Variants in M1AP observed in about 807,000 individuals in gnomAD.
M1AP encodes meiosis 1 arrest protein.
Under a neutral mutation model 51.2 loss-of-function variants are expected in M1AP, and 39 were observed. The observed-to-expected ratio is 0.76, with a 90% CI of 0.59 to 1.00. M1AP has a LOEUF of 1.00. Among genes scored for constraint, M1AP ranks in the 50% least tolerant of loss-of-function variants. The pLI, the probability that M1AP is intolerant of heterozygous loss-of-function variation, is 0.00. For synonymous variants in M1AP, 251 were observed against 249.2 expected (o/e 1.01, Z -0.07); for missense variants, 545 against 641.2 (o/e 0.85, Z 1.62).
chr2:74,635,789 C>T (rs1476033508), intron 2 of M1AP, among the ~76,000 whole-genome samples: 3 of 152,008 alleles, frequency 2.0e-5, no homozygotes, highest in African/African-American at 7.2e-5. Flanking sequence ...GGGAATTTTT[C>T]TGTTATGTTT....
rs112385575 is a variant in M1AP, at chr2:74,596,332, C to T, written c.595+10723G>A. Reference sequence around the variant, plus strand: ...GCGCGGTGGCTCACGCCTGTTATCCCAGCACTTTGGGAGGCTGAGGTGGGT... The same window carrying T: ...GCGCGGTGGCTCACGCCTGTTATCCTAGCACTTTGGGAGGCTGAGGTGGGT... On this transcript the variant is annotated intron_variant, in intron 4 of 10. Coordinates refer to ENST00000421985, the MANE Select transcript of M1AP (RefSeq NM_001321739.2). Among the ~76,000 whole-genome samples, 989 of 152,262 alleles carry T rather than the reference C, an allele frequency of 6.5e-3. 9 individuals carry two copies. Among genetic ancestry groups the T allele is most frequent in the African/African-American group, 0.018 (750 of 41,536 alleles).
intron 2 of M1AP, among the ~76,000 whole-genome samples, chr2:74,631,441 G>A (rs1317361952): frequency 6.6e-6 from 1 of 151,944 alleles, no homozygotes; most frequent in Non-Finnish European, 1.5e-5. Flanking sequence ...CTTTATTGCA[G>A]CACTAACTTA....
chr2:74,577,155 C>T (rs144594636), intron 5 of M1AP, among the ~76,000 whole-genome samples: 23 of 152,236 alleles, frequency 1.5e-4, no homozygotes, highest in African/African-American at 5.3e-4. Context: ...CGTTCAGGGA[C>T]ATTCAGAGTG....
chr2:74,623,503 T>TAA (rs1167122572), intron 2 of M1AP, among the ~76,000 whole-genome samples: 64 of 117,744 alleles, frequency 5.4e-4, no homozygotes, highest in African/African-American at 1.5e-3. Context: ...ACTCTGTCTA[T>TAA]AAAAAAAAAA....
chr2:74,647,874 A>C (rs1031187281), intron 1 of M1AP: 14 of 319,500 alleles, frequency 4.4e-5, no homozygotes, highest in Middle Eastern at 1.5e-3. Context: ...AGCTTGGGCA[A>C]CAAGGGTGAA....
At chr2:74,642,284 A>C (rs573920369) in intron 1 of M1AP, among the ~76,000 whole-genome samples, 28 of 152,246 alleles carry the variant, frequency 1.8e-4, no homozygotes, top group South Asian at 1.7e-3. Flanking sequence ...ACAAAAAAAA[A>C]CAGCATGACC....
intron 2 of M1AP, chr2:74,618,722 A>G: frequency 4.7e-6 from 1 of 210,848 alleles, no homozygotes; most frequent in South Asian, 6.2e-5. Context: ...ATTCTTAGAA[A>G]CTTCTATATC....
At chr2:74,591,655 C>T (rs2104633537) in intron 4 of M1AP, among the ~76,000 whole-genome samples, 1 of 152,114 alleles carries the variant, frequency 6.6e-6, no homozygotes, top group South Asian at 2.1e-4. Flanking sequence ...CCTAAGGGAA[C>T]TGAAAGAAAG....
intron 2 of M1AP, among the ~76,000 whole-genome samples, chr2:74,622,652 T>C (rs961808373): frequency 1.1e-4 from 16 of 149,774 alleles, no homozygotes; most frequent in Non-Finnish European, 1.5e-5. Context: ...TTAAAGGATA[T>C]AATTCAAGGA....
intron 8 of M1AP, chr2:74,561,939 C>T (rs1678044450): frequency 3.2e-5 from 32 of 985,290 alleles, no homozygotes; most frequent in South Asian, 4.7e-5. Flanking sequence ...CTCTAATTCC[C>T]AGTCATCACT....
intron 4 of M1AP, among the ~76,000 whole-genome samples, chr2:74,584,481 T>C (rs897566126): frequency 2.0e-5 from 3 of 147,726 alleles, no homozygotes; most frequent in Non-Finnish European, 3.0e-5. Context: ...AGAAACAGAA[T>C]TGAGCAAAGG....
chr2:74,610,485 G>A (rs1163542947), intron 3 of M1AP, among the ~76,000 whole-genome samples: 1 of 152,126 alleles, frequency 6.6e-6, no homozygotes, highest in East Asian at 1.9e-4. Flanking sequence ...GTCTTGCTCT[G>A]TTGCCCAGGC....
chr2:74,596,960 G>A (rs1680377161), intron 4 of M1AP, among the ~76,000 whole-genome samples: 1 of 152,188 alleles, frequency 6.6e-6, no homozygotes, highest in Admixed American at 6.5e-5. Flanking sequence ...CTGGAGGGAT[G>A]GATGGAGTGT....
At position 74,645,437 on chromosome 2, in the gene M1AP, G is replaced by A. The variant is rs1254640976; in HGVS notation, c.-53+2828C>T. Among the ~76,000 whole-genome samples the A allele has an allele frequency of 2.6e-5, 4 of 152,192 alleles. No individual in the cohort carries two copies. In the East Asian group the frequency reaches 7.7e-4, roughly 29 times the overall value. On this transcript the variant is annotated intron_variant, in intron 1 of 10. Coordinates refer to ENST00000421985, the MANE Select transcript of M1AP (RefSeq NM_001321739.2). ...TTTAGTTTTGATAGTGAGGTAGGAGGCGGGACTCAACTCTGCAGGAAGGGC... is the reference window on the plus strand; with the variant it reads ...TTTAGTTTTGATAGTGAGGTAGGAGACGGGACTCAACTCTGCAGGAAGGGC...
chr2:74,609,901 TGTTGA>T (rs1681226520), intron 3 of M1AP, among the ~76,000 whole-genome samples: 1 of 152,230 alleles, frequency 6.6e-6, no homozygotes, highest in Admixed American at 6.5e-5. Flanking sequence ...ATTTTTTCCC[TGTTGA>T]GTTGTTTGAG....
At chr2:74,615,387 A>C in intron 2 of M1AP, 3 of 489,894 alleles carry the variant, frequency 6.1e-6, no homozygotes, top group South Asian at 2.4e-5. Flanking sequence ...TACCAGAAAC[A>C]TGAAAGGAAG....
intron 7 of M1AP, among the ~76,000 whole-genome samples, chr2:74,566,529 C>A (rs376493904): frequency 6.6e-6 from 1 of 152,056 alleles, no homozygotes; most frequent in Non-Finnish European, 1.5e-5. Context: ...ATTAGTGTGA[C>A]TGGGGGGAAG....
At chr2:74,591,517 G>T (rs985776179) in intron 4 of M1AP, among the ~76,000 whole-genome samples, 1 of 152,172 alleles carries the variant, frequency 6.6e-6, no homozygotes, top group Non-Finnish European at 1.5e-5. Context: ...TAGGCACTGT[G>T]GTGGGGGAGG....
chr2:74,630,010 G>A (rs1682614083), intron 2 of M1AP, among the ~76,000 whole-genome samples: 1 of 150,004 alleles, frequency 6.7e-6, no homozygotes, highest in African/African-American at 2.5e-5. Context: ...GCATAATCAT[G>A]ACTTACTGCA....
Sources: allele counts gnomAD v4.1 joint callset (sites outside exome capture counted in the v4.1 genomes callset), GRCh38; gene constraint gnomAD v4.1.1; transcripts MANE v1.5; gene names NCBI Gene and HGNC (gene_info 2026-07-23, HGNC 2026-07-21).